MINPP1: variants seen among roughly 807,000 people sequenced by gnomAD.
MINPP1 encodes multiple inositol polyphosphate phosphatase 1.
MINPP1 carries 28 observed loss-of-function variants against 46.1 expected under a neutral mutation model. The observed-to-expected ratio is 0.61, with a 90% CI of 0.45 to 0.83. The LOEUF is 0.83. Among genes scored for constraint, MINPP1 ranks in the 40% least tolerant of loss-of-function variants. MINPP1 has a pLI of 0.00. For synonymous variants in MINPP1, 268 were observed against 249.1 expected, an observed-to-expected ratio of 1.08 and a Z score of -0.72; for missense variants, 603 against 610.0, an observed-to-expected ratio of 0.99 and a Z score of 0.12.
At chr10:87,506,109 GTCC>G (rs1851246099) in intron 1 of MINPP1, among the ~76,000 whole-genome samples, 1 of 150,064 alleles carries the variant, frequency 6.7e-6, no homozygotes, top group African/African-American at 2.5e-5. Context: ...AAGCCTTTGT[GTCC>G]TCCTTTTTTC....
At chr10:87,513,262 A>AT in intron 3 of MINPP1, 41 bp downstream of exon 3, 24 of 1,515,270 alleles carry the variant, frequency 1.6e-5, no homozygotes, top group South Asian at 3.4e-5. Context: ...TTTTAAAAAA[A>AT]TTTTTTTTGG....
intron 4 of MINPP1, among the ~76,000 whole-genome samples, chr10:87,539,407 G>A (rs1053542075): frequency 6.6e-6 from 1 of 152,162 alleles, no homozygotes; most frequent in Non-Finnish European, 1.5e-5. Flanking sequence ...CTCAAAGAAA[G>A]AATAGTCATT....
chr10:87,519,708 T>C (rs1851471494), intron 3 of MINPP1, among the ~76,000 whole-genome samples: 1 of 152,202 alleles, frequency 6.6e-6, no homozygotes, highest in African/African-American at 2.4e-5. Context: ...TCTTAAAACT[T>C]ACTATGACAT....
At chr10:87,533,167 G>T (rs765373847) in intron 4 of MINPP1, among the ~76,000 whole-genome samples, 65 of 151,210 alleles carry the variant, frequency 4.3e-4, no homozygotes, top group East Asian at 7.8e-4. Flanking sequence ...ATACAGATTG[G>T]TTTTTTTTAA....
At chr10:87,531,581 G>C (rs1404815780) in intron 4 of MINPP1, among the ~76,000 whole-genome samples, 1 of 152,158 alleles carries the variant, frequency 6.6e-6, no homozygotes. Context: ...TATGGATGCT[G>C]CAGATTCCTT....
intron 4 of MINPP1, among the ~76,000 whole-genome samples, chr10:87,532,802 T>C (rs540753664): frequency 6.6e-6 from 1 of 152,346 alleles, no homozygotes; most frequent in East Asian, 1.9e-4. Context: ...TGTTTTTAAC[T>C]AATGGACTTT....
At chr10:87,506,871 A>G (rs1458225548) in intron 1 of MINPP1, among the ~76,000 whole-genome samples, 7 of 152,236 alleles carry the variant, frequency 4.6e-5, no homozygotes, top group Admixed American at 2.0e-4. Context: ...ATTGTGGGTA[A>G]TTCAGTTAGC....
intron 1 of MINPP1, chr10:87,508,005 T>C: frequency 7.1e-7 from 1 of 1,399,108 alleles, no homozygotes; most frequent in South Asian, 1.7e-5. Context: ...GAAACTTTGC[T>C]GATTTTTAGT....
Position 87,504,962 on chromosome 10 carries a change from C to T in MINPP1, c.47C>T (p.Ala16Val), listed in dbSNP as rs770939211. Residue 16 changes from alanine (A) to valine (V), a missense_variant, in exon 1 of 5, where the codon GCC becomes GTC. Ala to Val is a moderately conservative substitution (Grantham distance 64). Coordinates refer to ENST00000371996, the MANE Select transcript of MINPP1 (RefSeq NM_004897.5). Reference protein sequence around the residue: ...GCLLRTSVAPAAALAAALLSS... With the variant: ...GCLLRTSVAPVAALAAALLSS... ...CTCCTCCGGACCTCCGTAGCGCCTG[C>T]CGCGGCCCTGGCTGCGGCGCTGCTC... 1 of 1,611,958 alleles carries T rather than the reference C, an allele frequency of 6.2e-7. No homozygotes were observed. The highest frequency in any genetic ancestry group is 8.5e-7 in the Non-Finnish European group (1 of 1,179,528).
intron 4 of MINPP1, among the ~76,000 whole-genome samples, chr10:87,540,453 G>GTC (rs1020850122): frequency 6.7e-6 from 1 of 150,130 alleles, no homozygotes; most frequent in African/African-American, 2.5e-5. Flanking sequence ...CTCTCTGTCA[G>GTC]TCTCTCTCCT....
chr10:87,505,151 C>A lies in MINPP1; in HGVS notation c.236C>A (p.Thr79Asn). The A allele has an allele frequency of 6.2e-7, 1 of 1,610,880 alleles. No individual in the cohort carries two copies. Among genetic ancestry groups the A allele is most frequent in the Non-Finnish European group, 8.5e-7 (1 of 1,178,802 alleles). The change falls in exon 1 of 5, where the codon ACC becomes AAC. Residue 79 changes from threonine to asparagine, a missense_variant. Thr to Asn is a moderately conservative substitution (Grantham distance 65). Around this residue, in one of 3 missense-constraint regions of MINPP1, gnomAD observed 239 missense variants for 189.4 expected, o/e 1.26. Transcript: ENST00000371996. The surrounding 1 kb of genome is among the most constrained non-coding windows in gnomAD (Gnocchi z 4.4). ...CCTGAGCTGCTGGAGGGGACCTGCA[C>A]CCCGGTGCAGCTGGTCGCCCTCATT... Reference protein sequence around the residue: ...RDPELLEGTCTPVQLVALIRH... With the variant: ...RDPELLEGTCNPVQLVALIRH...
intron 2 of MINPP1, among the ~76,000 whole-genome samples, chr10:87,511,696 C>CTCT (rs1491405706): frequency 6.6e-6 from 1 of 152,122 alleles, no homozygotes; most frequent in Non-Finnish European, 1.5e-5. Context: ...TCTCCCTGTA[C>CTCT]TCTGAAGAGT....
chr10:87,552,210 T>C lies in MINPP1; in HGVS notation c.1196T>C (p.Met399Thr). 6.2e-7 allele frequency: 1 copy of C among 1,613,804 alleles called. No individual in the cohort carries two copies. The change falls in exon 5 of 5, where the codon ATG becomes ACG. Residue 399 changes from methionine to threonine, a missense_variant. Physicochemically the swap from Met to Thr is moderately conservative, Grantham distance 81. Around this residue, in one of 3 missense-constraint regions of MINPP1, gnomAD observed 344 missense variants for 381.1 expected, o/e 0.90. Transcript: ENST00000371996. ...PLTAYNYKKQMHRKFRSGLIV... is the reference protein window; with the variant it reads ...PLTAYNYKKQTHRKFRSGLIV... ...ACAGCGTACAATTACAAAAAACAAA[T>C]GCATCGGAAGTTCCGAAGTGGTCTC...
At chr10:87,533,217 A>AT (rs889753881) in intron 4 of MINPP1, among the ~76,000 whole-genome samples, 103 of 151,202 alleles carry the variant, frequency 6.8e-4, no homozygotes, top group African/African-American at 2.1e-3. Context: ...GTGCCACTGA[A>AT]TTTTTTTTTC....
intron 4 of MINPP1, among the ~76,000 whole-genome samples, chr10:87,541,901 G>A (rs1851820433): frequency 6.6e-6 from 1 of 152,134 alleles, no homozygotes; most frequent in Non-Finnish European, 1.5e-5. Flanking sequence ...TTCCCACCAG[G>A]CCCTACCTCC....
chr10:87,550,904 AC>A (rs1179082873), intron 4 of MINPP1, among the ~76,000 whole-genome samples: 2 of 151,994 alleles, frequency 1.3e-5, no homozygotes, highest in Non-Finnish European at 2.9e-5. Flanking sequence ...CCTTGCACTC[AC>A]CAAGTCCTGG....
chr10:87,508,239 G>T, intron 1 of MINPP1, 97 bp from the exon 2 acceptor site: 2 of 1,560,538 alleles, frequency 1.3e-6, no homozygotes, highest in Non-Finnish European at 8.7e-7. Flanking sequence ...TTAGTAAGAT[G>T]TTAGTGTTCC....
At chr10:87,522,599 T>G (rs927240820) in intron 4 of MINPP1, among the ~76,000 whole-genome samples, 1 of 152,214 alleles carries the variant, frequency 6.6e-6, no homozygotes. Flanking sequence ...CATACCTTAA[T>G]TTAAAAATGC....
intron 4 of MINPP1, among the ~76,000 whole-genome samples, chr10:87,534,122 G>A (rs776330084): frequency 1.3e-4 from 19 of 144,412 alleles, no homozygotes; most frequent in South Asian, 6.5e-4. Flanking sequence ...ACATCGTCTC[G>A]GCTCACTGCA....
Sources: allele counts gnomAD v4.1 joint callset (sites outside exome capture counted in the v4.1 genomes callset), GRCh38; gene constraint gnomAD v4.1.1; regional missense constraint gnomAD v4.1.1; non-coding constraint Gnocchi (gnomAD v3.1); transcripts MANE v1.5; gene names NCBI Gene and HGNC (gene_info 2026-07-23, HGNC 2026-07-21).